Variants in PLXND1 observed in about 807,000 individuals in gnomAD.
PLXND1 encodes plexin-D1.
PLXND1 carries 54 observed loss-of-function variants against 197.7 expected under a neutral mutation model. That is an observed-to-expected ratio of 0.27 (90% CI 0.22 to 0.34). The LOEUF is 0.34. PLXND1 is among the 10% of genes least tolerant of loss of function. The pLI is 1.00. For missense variants in PLXND1, 2,127 were observed against 2,699.2 expected (o/e 0.79, Z 4.70); for synonymous variants, 1,180 against 1,161.2 (o/e 1.02, Z -0.33).
chr3:129,566,123 G>C, intron 23 of PLXND1, 106 bp from the exon 24 acceptor site: 1 of 1,186,752 alleles, frequency 8.4e-7, no homozygotes, highest in Non-Finnish European at 1.2e-6. Flanking sequence ...GGGATGGGGA[G>C]CTCATTACCT....
In PLXND1 at chr3:129,606,168, C is replaced by A. The variant is rs1414188227; in HGVS notation, c.472G>T (p.Ala158Ser). 1.3e-6 allele frequency: 2 copies of A among 1,537,604 alleles called. No homozygotes were observed. Among genetic ancestry groups the A allele is most frequent in the Admixed American group, 3.9e-5 (2 of 51,634 alleles). ...CQLRRRGNIS[A>S]VAVRFPPAAP... is the part of the protein sequence containing the mutation. ...GCGGGCGGGAAGCGCACGGCCACGG[C>A]CGAGATGTTGCCCCGGCGCCGCAGC... The change falls in exon 1 of 36, where the codon GCC becomes TCC. Residue 158 changes from alanine to serine, a missense_variant. Ala to Ser is a moderately conservative substitution (Grantham distance 99, BLOSUM62 1). This residue lies in a region of PLXND1 where 245 missense variants were observed against 267.1 expected (regional missense o/e 0.92). Coordinates refer to ENST00000324093, the MANE Select transcript of PLXND1 (RefSeq NM_015103.3).
At chr3:129,585,648 G>A (rs762776690) in intron 5 of PLXND1, among the ~76,000 whole-genome samples, 16 of 152,200 alleles carry the variant, frequency 1.1e-4, no homozygotes, top group Non-Finnish European at 1.8e-4. Flanking sequence ...CCCTAGCTGT[G>A]CGACCTGCAG....
rs1446967879 is a variant in PLXND1, at chr3:129,584,611, CAG to C, written c.1852-51_1852-50del. 3 of 1,532,914 alleles carry C rather than the reference CAG, an allele frequency of 2.0e-6. No homozygotes were observed. The African/African-American group carries it at 4.1e-5, about 21-fold the overall frequency. The allele number at this position is 1,532,914 out of a possible 1,614,324, so 95.0% of individuals were successfully genotyped here. A position where few individuals can be genotyped will look rare whatever the true frequency, so the allele number is the denominator to read the frequency against. On this transcript the variant is annotated intron_variant, in intron 5 of 35. Transcript: ENST00000324093. ...CTGGGGGTCCAGGCTATGCTCCTCACAGCCTGCCCCAGGGCTGTGCACCAACC... is the reference window on the plus strand; with the variant it reads ...CTGGGGGTCCAGGCTATGCTCCTCACCCTGCCCCAGGGCTGTGCACCAACC...
At chr3:129,574,529 C>T (rs746996060) in intron 11 of PLXND1, 39 bp from the exon 12 acceptor site, 64 of 1,591,130 alleles carry the variant, frequency 4.0e-5, no homozygotes, top group Non-Finnish European at 3.5e-5. Context: ...CCCCGCTCTG[C>T]GGTGCATGCC....
chr3:129,578,514 C>T, intron 8 of PLXND1, 81 bp from the exon 9 acceptor site: 2 of 822,000 alleles, frequency 2.4e-6, no homozygotes, highest in Non-Finnish European at 3.9e-6. Flanking sequence ...CCCAGCCTGC[C>T]TGGTTCAGTC....
chr3:129,606,280 G>A lies in PLXND1; in HGVS notation c.360C>T (p.Leu120=). 2 of 1,535,758 alleles carry A rather than the reference G, an allele frequency of 1.3e-6. No individual in the cohort carries two copies. Among genetic ancestry groups the A allele is most frequent in the Non-Finnish European group, 8.7e-7 (1 of 1,146,944 alleles). Reference sequence around the variant, plus strand: ...GCAGGATCTTGTTGTAGTTGTCCGTGAGGCGCCGCGGGTGCTCGCACGAGG... The same window carrying A: ...GCAGGATCTTGTTGTAGTTGTCCGTAAGGCGCCGCGGGTGCTCGCACGAGG... ...PQASCEHPRR[L]TDNYNKILQL... is the part of the protein sequence containing the mutation. Residue 120 remains leucine (L), a synonymous_variant, in exon 1 of 36, where the codon CTC becomes CTT. Coordinates refer to ENST00000324093, the MANE Select transcript of PLXND1 (RefSeq NM_015103.3).
At chr3:129,571,865 T>C (rs1363732227) in intron 15 of PLXND1, 21 bp from the exon 16 acceptor site, 5 of 1,586,148 alleles carry the variant, frequency 3.2e-6, no homozygotes, top group Non-Finnish European at 4.3e-6. Context: ...CAGCAGGTTA[T>C]CAGCAGGGCC....
intron 2 of PLXND1, 112 bp from the exon 3 acceptor site, chr3:129,586,831 C>T (rs2085469007): frequency 1.5e-6 from 2 of 1,291,736 alleles, no homozygotes; most frequent in African/African-American, 1.5e-5. Context: ...TGTCTTGGAC[C>T]CTTCAGGAGG....
chr3:129,597,488 C>A (rs2085643159), intron 1 of PLXND1, among the ~76,000 whole-genome samples: 2 of 151,670 alleles, frequency 1.3e-5, no homozygotes, highest in Admixed American at 6.5e-5. Flanking sequence ...TGCGGGCCCC[C>A]CCCCATTATT....
At chr3:129,581,990 G>A (rs1486353859) in intron 8 of PLXND1, among the ~76,000 whole-genome samples, 1 of 152,250 alleles carries the variant, frequency 6.6e-6, no homozygotes, top group African/African-American at 2.4e-5. Flanking sequence ...TCCCCAGACA[G>A]GAGCAGGAGT....
chr3:129,581,004 T>C (rs940016097), intron 8 of PLXND1, among the ~76,000 whole-genome samples: 3 of 152,076 alleles, frequency 2.0e-5, no homozygotes, highest in African/African-American at 7.2e-5. Context: ...CAGCCTCCCC[T>C]AAAGCTGAAG....
chr3:129,588,887 G>A (rs1409538742), intron 2 of PLXND1, among the ~76,000 whole-genome samples: 1 of 152,230 alleles, frequency 6.6e-6, no homozygotes, highest in Admixed American at 6.5e-5. Flanking sequence ...GGGACGGGGT[G>A]GCTGGCAGGG....
chr3:129,584,107 G>A lies in PLXND1; in HGVS notation c.2138+18C>T. 3 of 1,515,430 alleles carry A rather than the reference G, an allele frequency of 2.0e-6. No homozygotes were observed. The highest frequency in any genetic ancestry group is 2.7e-6 in the Non-Finnish European group (3 of 1,113,696). The allele number at this position is 1,515,430 out of a possible 1,614,324, so 93.9% of individuals were successfully genotyped here. A position where few individuals can be genotyped will look rare whatever the true frequency, so the allele number is the denominator to read the frequency against. On this transcript the variant is annotated intron_variant, in intron 7 of 35. Transcript: ENST00000324093. ...TCCTCCCTCCACCAACTGGAGGCAAGCCACCCAAGCCACTCACGCTGTGTG... is the reference window on the plus strand; with the variant it reads ...TCCTCCCTCCACCAACTGGAGGCAAACCACCCAAGCCACTCACGCTGTGTG...
intron 5 of PLXND1, among the ~76,000 whole-genome samples, 191 bp from the exon 6 acceptor site, chr3:129,584,753 C>T (rs2085436286): frequency 6.6e-6 from 1 of 152,182 alleles, no homozygotes; most frequent in Non-Finnish European, 1.5e-5. Context: ...TCCCCAGCTG[C>T]AAAATGAAAC....
chr3:129,575,759 C>G lies in PLXND1; in HGVS notation c.2436+7G>C, dbSNP rs1433382422. The G allele has an allele frequency of 6.2e-7, 1 of 1,602,012 alleles. No individual in the cohort carries two copies. The highest frequency in any genetic ancestry group is 8.6e-7 in the Non-Finnish European group (1 of 1,169,416). On this transcript the variant is annotated splice_region_variant and intron_variant, in intron 10 of 35. Transcript: ENST00000324093. ...CCCTCCGCCCATGCTGGAGTCACCC[C>G]ACTCACCACCACCTGGTCACAGCGT...
chr3:129,588,475 AG>A, intron 2 of PLXND1, among the ~76,000 whole-genome samples: 1 of 77,004 alleles, frequency 1.3e-5, no homozygotes, highest in African/African-American at 4.6e-5. Flanking sequence ...TCCGAATGTG[AG>A]TATCTGACCC....
intron 5 of PLXND1, among the ~76,000 whole-genome samples, chr3:129,585,654 T>G (rs1159767151): frequency 1.3e-5 from 2 of 152,238 alleles, no homozygotes; most frequent in African/African-American, 4.8e-5. Flanking sequence ...CTGTGCGACC[T>G]GCAGCAAGTC....
At chr3:129,576,767 T>C (rs1158943843) in intron 9 of PLXND1, among the ~76,000 whole-genome samples, 1 of 152,178 alleles carries the variant, frequency 6.6e-6, no homozygotes, top group African/African-American at 2.4e-5. Context: ...ATTGTGTACC[T>C]CAAGGGGCCG....
Position 129,559,703 on chromosome 3 carries a change from C to G in PLXND1, c.5214G>C (p.Lys1738Asn). 2 of 1,613,484 alleles carry G rather than the reference C, an allele frequency of 1.2e-6. No individual in the cohort carries two copies. The highest frequency in any genetic ancestry group is 1.7e-6 in the Non-Finnish European group (2 of 1,179,754). Reference sequence around the variant, plus strand: ...GCTCCTCCAGGAAGTCGAAAAAGTACTTGACAGCCAGTGGGGGCTTGTCTT... The same window carrying G: ...GCTCCTCCAGGAAGTCGAAAAAGTAGTTGACAGCCAGTGGGGGCTTGTCTT... Reference protein sequence around the residue: ...IREDKPPLAVKYFFDFLEEQA... With the variant: ...IREDKPPLAVNYFFDFLEEQA... The change falls in exon 32 of 36, where the codon AAG becomes AAC. Residue 1738 changes from lysine to asparagine, a missense_variant. By Grantham distance (94) the Lys-to-Asn change is moderately conservative. Transcript: ENST00000324093.
Sources: gnomAD v4.1 joint callset for allele counts (sites outside exome capture counted in the v4.1 genomes callset) on GRCh38, gnomAD v4.1.1 for gene constraint, gnomAD v4.1.1 regional missense constraint, MANE v1.5 for transcripts, NCBI Gene and HGNC (gene_info 2026-07-23, HGNC 2026-07-21) for gene names.